The following MGAT5 variants were observed in gnomAD, a reference collection of about 807,000 sequenced individuals.
The protein encoded by MGAT5 is alpha-1,6-mannosylglycoprotein 6-beta-N-acetylglucosaminyltransferase A.
MGAT5 carries 30 observed loss-of-function variants against 94.3 expected under a neutral mutation model. The observed-to-expected ratio is 0.32, with a 90% confidence interval of 0.24 to 0.43. The LOEUF (loss-of-function observed/expected upper bound fraction) is 0.43. Ranked by LOEUF, MGAT5 falls within the 20% of genes least tolerant of loss-of-function variation. The pLI is 1.00. For synonymous variants in MGAT5, 310 were observed against 322.9 expected (o/e 0.96, Z 0.43); for missense variants, 691 against 905.5 (o/e 0.76, Z 3.04).
intron 14 of MGAT5, among the ~76,000 whole-genome samples, chr2:134,434,391 A>G (rs971734309): frequency 6.6e-6 from 1 of 152,242 alleles, no homozygotes; most frequent in African/African-American, 2.4e-5. Context: ...CAGGATAGTC[A>G]AGCACATTTA....
rs367654357 is a variant in MGAT5 at position 134,214,915 on chromosome 2, A to G, written c.-142-39347A>G. Among the ~76,000 whole-genome samples, 9 of 152,330 alleles carry G rather than the reference A, an allele frequency of 5.9e-5. No homozygotes were observed. The East Asian group carries it at 1.5e-3, about 26-fold the overall frequency. On this transcript the variant is annotated intron_variant, in intron 1 of 16. Transcript: ENST00000409645. Reference sequence around the variant, plus strand: ...ACACCCACCTAACCACCAGATACACAGAGCATTCTCAGCCTTCAGAAGCCC... The same window carrying G: ...ACACCCACCTAACCACCAGATACACGGAGCATTCTCAGCCTTCAGAAGCCC...
chr2:134,198,844 G>A (rs1475420772), intron 1 of MGAT5, among the ~76,000 whole-genome samples: 1 of 152,120 alleles, frequency 6.6e-6, no homozygotes, highest in Non-Finnish European at 1.5e-5. Flanking sequence ...CCTTTGAGGG[G>A]TTTATATTAC....
At chr2:134,403,352 C>T (rs983781646) in intron 11 of MGAT5, among the ~76,000 whole-genome samples, 2 of 152,076 alleles carry the variant, frequency 1.3e-5, no homozygotes, top group African/African-American at 2.4e-5. Context: ...ATCGTATTTA[C>T]TAAGGACCTA....
At chr2:134,331,446 C>A (rs1224851528) in intron 4 of MGAT5, among the ~76,000 whole-genome samples, 2 of 152,080 alleles carry the variant, frequency 1.3e-5, no homozygotes, top group African/African-American at 2.4e-5. Context: ...AATGCTTCTC[C>A]TCAATCGATT....
chr2:134,329,645 G>C (rs542090686), intron 4 of MGAT5, among the ~76,000 whole-genome samples: 1 of 151,958 alleles, frequency 6.6e-6, no homozygotes, highest in South Asian at 2.1e-4. Flanking sequence ...TCTGTGCTTC[G>C]GCGTCTTCAT....
At chr2:134,158,196 C>T (rs978067465) in intron 1 of MGAT5, among the ~76,000 whole-genome samples, 8 of 152,224 alleles carry the variant, frequency 5.3e-5, no homozygotes, top group Non-Finnish European at 1.2e-4. Context: ...TGGGGTTTTA[C>T]CTTCCATCCC....
At chr2:134,401,291 A>G (rs901112575) in intron 10 of MGAT5, among the ~76,000 whole-genome samples, 3 of 152,172 alleles carry the variant, frequency 2.0e-5, no homozygotes, top group African/African-American at 7.2e-5. Flanking sequence ...CCCAGACTCC[A>G]ACGCTCAAAT....
rs149200123 is a variant in MGAT5 at position 134,345,080 on chromosome 2, T to C, written c.1112+16T>C. On this transcript the variant is annotated intron_variant, in intron 8 of 15. Transcript: ENST00000281923. ...TTCATTACCAGTAAGTGCTACATGG[T>C]GTTCTGACTTAAGGTTTTTTTTCCC... 1.1e-5 allele frequency: 18 copies of C among 1,602,492 alleles called. No individual in the cohort carries two copies. The African/African-American group carries it at 2.1e-4, about 19-fold the overall frequency.
At chr2:134,159,027 A>G (rs921152551) in intron 1 of MGAT5, among the ~76,000 whole-genome samples, 1 of 152,240 alleles carries the variant, frequency 6.6e-6, no homozygotes, top group Admixed American at 6.5e-5. Context: ...TGTTGATTAC[A>G]TGTTTTACAT....
At chr2:134,240,293 C>A (rs551345084) in intron 1 of MGAT5, among the ~76,000 whole-genome samples, 1 of 151,632 alleles carries the variant, frequency 6.6e-6, no homozygotes, top group Non-Finnish European at 1.5e-5. Context: ...TGATTCCCAT[C>A]TGGTGGCTCT....
At chr2:134,166,219 G>T (rs1687958198) in intron 1 of MGAT5, among the ~76,000 whole-genome samples, 1 of 152,156 alleles carries the variant, frequency 6.6e-6, no homozygotes, top group Admixed American at 6.5e-5. Context: ...CAAGGAGAAA[G>T]GTGTGAAGAG....
At chr2:134,266,719 A>G (rs980602943) in intron 1 of MGAT5, among the ~76,000 whole-genome samples, 3 of 152,230 alleles carry the variant, frequency 2.0e-5, no homozygotes, top group Non-Finnish European at 4.4e-5. Flanking sequence ...CTGTATAATG[A>G]TACAGATATG....
At chr2:134,361,320 A>G (rs1351988257) in intron 9 of MGAT5, among the ~76,000 whole-genome samples, 1 of 152,244 alleles carries the variant, frequency 6.6e-6, no homozygotes, top group Non-Finnish European at 1.5e-5. Context: ...GTCAGAGCCA[A>G]GCAGAGCAGT....
At chr2:134,432,346 A>G (rs1192913041) in intron 14 of MGAT5, among the ~76,000 whole-genome samples, 1 of 152,034 alleles carries the variant, frequency 6.6e-6, no homozygotes, top group Non-Finnish European at 1.5e-5. Context: ...GAGGGAGGGT[A>G]AAAAAAAGAG....
At position 134,452,477 on chromosome 2, in the gene MGAT5, T is replaced by C. The variant is rs1444143227; in HGVS notation, c.*3630T>C. On this transcript the variant is annotated 3_prime_UTR_variant, in exon 16 of 16. Transcript: ENST00000281923. ...TGCAAGATTTAATAAAAGTGAATAATGAGCTTCCCCTTTGGGAGTGGAGCC... is the reference window on the plus strand; with the variant it reads ...TGCAAGATTTAATAAAAGTGAATAACGAGCTTCCCCTTTGGGAGTGGAGCC... The C allele has an allele frequency of 6.6e-6, 1 of 152,218 alleles. No homozygotes were observed. The highest frequency in any genetic ancestry group is 1.5e-5 in the Non-Finnish European group (1 of 68,042). The allele number at this position is 152,218 out of a possible 1,614,324, so 9.4% of individuals were successfully genotyped here.
At chr2:134,265,664 G>A (rs372731919) in intron 1 of MGAT5, among the ~76,000 whole-genome samples, 11 of 152,208 alleles carry the variant, frequency 7.2e-5, no homozygotes, top group African/African-American at 2.4e-4. Context: ...AATTTTTATT[G>A]CAAAGGCTTT....
chr2:134,263,888 G>T (rs1485096754), intron 1 of MGAT5, among the ~76,000 whole-genome samples: 2 of 150,726 alleles, frequency 1.3e-5, no homozygotes. Context: ...GATCTTACCA[G>T]ATAAAATTGA....
At chr2:134,428,525 CTG>C in intron 14 of MGAT5, 86 bp downstream of exon 14, 1 of 1,187,282 alleles carries the variant, frequency 8.4e-7, no homozygotes, top group Non-Finnish European at 1.2e-6. Context: ...TAAGAGCTCA[CTG>C]TGTTTCTGTG....
intron 2 of MGAT5, among the ~76,000 whole-genome samples, chr2:134,310,644 A>G (rs1686594449): frequency 6.6e-6 from 1 of 152,070 alleles, no homozygotes. Flanking sequence ...GGAACTTCCT[A>G]TTGCTGTGGG....
Sources: gnomAD v4.1 joint callset for allele counts (sites outside exome capture counted in the v4.1 genomes callset) on GRCh38, gnomAD v4.1.1 for gene constraint, MANE v1.5 for transcripts, NCBI Gene and HGNC (gene_info 2026-07-23, HGNC 2026-07-21) for gene names.